Variants in TLN2 observed in about 807,000 individuals in gnomAD.
TLN2 encodes the protein talin 2.
A neutral mutation model predicts 294.7 loss-of-function variants in TLN2; 118 were observed. The observed-to-expected ratio is 0.40, with a 90% confidence interval of 0.34 to 0.47. The LOEUF (loss-of-function observed/expected upper bound fraction) is 0.47, where lower values mean the gene tolerates loss of function less well. TLN2 is among the 20% of genes least tolerant of loss of function. TLN2 has a pLI of 0.84. For synonymous variants in TLN2, 1,431 were observed against 1,304.5 expected, an observed-to-expected ratio of 1.10 and a Z score of -2.09; for missense variants, 3,083 against 3,282.2, an observed-to-expected ratio of 0.94 and a Z score of 1.48.
intron 46 of TLN2, among the ~76,000 whole-genome samples, chr15:62,794,197 C>T (rs1005230756): frequency 2.0e-5 from 3 of 152,214 alleles, no homozygotes; most frequent in South Asian, 2.1e-4. Flanking sequence ...CTACCTGTCC[C>T]GGCTTTGGGT....
At chr15:62,630,509 C>T (rs1477382272) in intron 3 of TLN2, among the ~76,000 whole-genome samples, 7 of 152,330 alleles carry the variant, frequency 4.6e-5, no homozygotes, top group East Asian at 1.9e-4. Flanking sequence ...GTGCCACAGA[C>T]GTCGGGATCT....
At chr15:62,686,438 C>T (rs1426657286) in intron 11 of TLN2, among the ~76,000 whole-genome samples, 3 of 152,054 alleles carry the variant, frequency 2.0e-5, no homozygotes, top group Non-Finnish European at 4.4e-5. Context: ...TGGCTCTTTC[C>T]AGTCTTCTCA....
In TLN2 at chr15:62,533,542, A is replaced by G. The variant is rs529924600; in HGVS notation, c.-237-56145A>G. Among the ~76,000 whole-genome samples the G allele has an allele frequency of 1.5e-4, 23 of 152,290 alleles. No individual in the cohort carries two copies. The Middle Eastern group carries it at 0.01, about 68-fold the overall frequency. On this transcript the variant is annotated intron_variant, in intron 1 of 58. Coordinates refer to ENST00000636159, the MANE Select transcript of TLN2 (RefSeq NM_015059.3). ...TATAATAATAGATAAGCACATCTATATAGAAGGAGAGGGAAGCAGACAGAC... is the reference window on the plus strand; with the variant it reads ...TATAATAATAGATAAGCACATCTATGTAGAAGGAGAGGGAAGCAGACAGAC...
At chr15:62,395,156 A>G (rs1251006818) in intron 1 of TLN2, among the ~76,000 whole-genome samples, 1 of 146,732 alleles carries the variant, frequency 6.8e-6, no homozygotes, top group East Asian at 2.1e-4. Flanking sequence ...CTGCCCTCAC[A>G]ATGCCCACAC....
chr15:62,555,249 A>C (rs927150973), intron 1 of TLN2, among the ~76,000 whole-genome samples: 5 of 152,202 alleles, frequency 3.3e-5, no homozygotes, highest in African/African-American at 9.6e-5. Flanking sequence ...TTTATTCCTA[A>C]AAAATAGCAA....
intron 1 of TLN2, among the ~76,000 whole-genome samples, chr15:62,491,097 A>C (rs2038680516): frequency 6.6e-6 from 1 of 152,132 alleles, no homozygotes; most frequent in Non-Finnish European, 1.5e-5. Flanking sequence ...CGAGGCAGGC[A>C]GATCACCTGA....
chr15:62,803,749 T>C (rs536245976), intron 50 of TLN2, among the ~76,000 whole-genome samples: 7 of 152,350 alleles, frequency 4.6e-5, no homozygotes, highest in Admixed American at 1.3e-4. Flanking sequence ...GCACAGCTCT[T>C]TTGAATTCTT....
chr15:62,475,092 C>G lies in TLN2; in HGVS notation c.-238+84407C>G, dbSNP rs1487433882. Among the ~76,000 whole-genome samples, 4 of 152,052 alleles carry G rather than the reference C, an allele frequency of 2.6e-5. No individual in the cohort carries two copies. The East Asian group carries it at 7.7e-4, about 29-fold the overall frequency. ...AGGGTGGGGTATTTGGCTCTGTCTC[C>G]CTGAAGAATCGTTTAACGATTTGTC... is the stretch of plus-strand genomic sequence containing the variant. On this transcript the variant is annotated intron_variant, in intron 1 of 58. Coordinates refer to ENST00000636159, the MANE Select transcript of TLN2 (RefSeq NM_015059.3).
At chr15:62,532,046 C>CTCTTT (rs1380835697) in intron 1 of TLN2, among the ~76,000 whole-genome samples, 4 of 131,636 alleles carry the variant, frequency 3.0e-5, no homozygotes, top group African/African-American at 1.0e-4. Flanking sequence ...TTTTCTTTTT[C>CTCTTT]TCTTTTCTTT....
intron 3 of TLN2, among the ~76,000 whole-genome samples, chr15:62,631,679 CTCTTTCTG>C (rs1170643258): frequency 2.0e-5 from 3 of 148,562 alleles, no homozygotes; most frequent in Non-Finnish European, 4.5e-5. Flanking sequence ...CTTTCCTCCT[CTCTTTCTG>C]TCTTTCTTTC....
At chr15:62,501,749 C>T (rs1212361) in intron 1 of TLN2, among the ~76,000 whole-genome samples, 53,613 of 152,084 alleles carry the variant, frequency 0.35, 11,141 homozygotes, top group African/African-American at 0.57. Context: ...TTGAAGGTGG[C>T]AGATGATTGC....
rs140696243 is a variant in TLN2, at chr15:62,561,185, G to A, written c.-237-28502G>A. Among the ~76,000 whole-genome samples the A allele has an allele frequency of 3.1e-3, 478 of 152,266 alleles. 5 individuals are homozygous for A. The highest frequency in any genetic ancestry group is 0.011 in the African/African-American group (461 of 41,554). On this transcript the variant is annotated intron_variant, in intron 1 of 58. Coordinates refer to ENST00000636159, the MANE Select transcript of TLN2 (RefSeq NM_015059.3). Reference sequence around the variant, plus strand: ...AATAATAGGACTTGCACCTAATCAAGGAAAGGAATTCCAAACAAAAGCTTG... The same window carrying A: ...AATAATAGGACTTGCACCTAATCAAAGAAAGGAATTCCAAACAAAAGCTTG...
chr15:62,627,325 T>C (rs1429757047), intron 3 of TLN2, among the ~76,000 whole-genome samples: 1 of 152,220 alleles, frequency 6.6e-6, no homozygotes, highest in African/African-American at 2.4e-5. Flanking sequence ...GTTGCTTTCA[T>C]CAGGAGATGA....
intron 21 of TLN2, among the ~76,000 whole-genome samples, chr15:62,711,167 G>A (rs1001307081): frequency 1.3e-5 from 2 of 152,106 alleles, no homozygotes; most frequent in African/African-American, 4.8e-5. Flanking sequence ...CTTTGCTAGA[G>A]GAAGATTTCT....
intron 48 of TLN2, among the ~76,000 whole-genome samples, chr15:62,799,573 A>C (rs960881906): frequency 3.3e-5 from 5 of 152,232 alleles, no homozygotes; most frequent in Non-Finnish European, 7.3e-5. Flanking sequence ...TTTACTGAGT[A>C]CCTGCTGGGT....
intron 1 of TLN2, among the ~76,000 whole-genome samples, chr15:62,413,336 G>T (rs1361876487): frequency 1.3e-5 from 2 of 152,184 alleles, no homozygotes; most frequent in Non-Finnish European, 2.9e-5. Flanking sequence ...CTTGGAAGAT[G>T]CTAAGAATGT....
chr15:62,679,506 C>T (rs550441034), intron 11 of TLN2, among the ~76,000 whole-genome samples: 1 of 152,110 alleles, frequency 6.6e-6, no homozygotes, highest in African/African-American at 2.4e-5. Context: ...GTGAAAGAAG[C>T]CAGTCACAAA....
In TLN2 at chr15:62,655,894, TTAAC is replaced by T. The variant is rs772354064; in HGVS notation, c.518-49_518-46del. 2.4e-5 allele frequency: 38 copies of T among 1,604,614 alleles called. No individual in the cohort carries two copies. In the Admixed American group the frequency reaches 6.2e-4, roughly 26 times the overall value. On this transcript the variant is annotated intron_variant, in intron 7 of 58. Coordinates refer to ENST00000636159, the MANE Select transcript of TLN2 (RefSeq NM_015059.3). ...TGCTCTTTTGGTAAATTCCCTTTAATTAACAGGAAAAATAAACACAGTTCTCTTA... is the reference window on the plus strand; with the variant it reads ...TGCTCTTTTGGTAAATTCCCTTTAATAGGAAAAATAAACACAGTTCTCTTA...
At chr15:62,397,135 A>G (rs1333505905) in intron 1 of TLN2, among the ~76,000 whole-genome samples, 4 of 152,094 alleles carry the variant, frequency 2.6e-5, no homozygotes, top group Admixed American at 1.3e-4. Flanking sequence ...TGGCTGTTCC[A>G]CCTCTACCAT....
Sources: gnomAD v4.1 joint callset for allele counts (sites outside exome capture counted in the v4.1 genomes callset) on GRCh38, gnomAD v4.1.1 for gene constraint, MANE v1.5 for transcripts, NCBI Gene and HGNC (gene_info 2026-07-23, HGNC 2026-07-21) for gene names.